The following KCTD9 variants were observed in gnomAD, a reference collection of about 807,000 sequenced individuals.
KCTD9 encodes potassium channel tetramerization domain containing 9, also known as BTB/POZ domain-containing protein KCTD9.
A neutral mutation model predicts 53.3 loss-of-function variants in KCTD9; 17 were observed. The ratio of observed to expected loss-of-function variants is 0.32; its 90% CI spans 0.22 to 0.48. The LOEUF is 0.48. Among genes scored for constraint, KCTD9 ranks in the 20% least tolerant of loss-of-function variants. KCTD9 has a pLI of 0.99. For synonymous variants in KCTD9, 128 were observed against 162.7 expected (o/e 0.79, Z 1.62); for missense variants, 179 against 465.5 (o/e 0.38, Z 5.66).
chr8:25,456,998 A>C (rs916899070), intron 1 of KCTD9, among the ~76,000 whole-genome samples: 2 of 152,234 alleles, frequency 1.3e-5, no homozygotes, highest in South Asian at 4.1e-4. Context: ...TAGTGATGAG[A>C]AATGTAAACT....
At position 25,436,540 on chromosome 8, in the gene KCTD9, C is replaced by A. The variant is rs1041952639; in HGVS notation, c.500-55G>T. ...CCTAATTTAGTGAATGTATTACATT[C>A]ATTTTGAATTTACTAAAATACGATT... On this transcript the variant is annotated intron_variant, in intron 6 of 11. Transcript: ENST00000221200. 9 of 1,058,776 alleles carry A rather than the reference C, an allele frequency of 8.5e-6. No individual in the cohort carries two copies. In the African/African-American group the frequency reaches 1.3e-4, roughly 15 times the overall value. 65.6% of individuals were successfully genotyped at this position (1,058,776 alleles called of 1,614,324 possible). A position where few individuals can be genotyped will look rare whatever the true frequency, so the allele number is the denominator to read the frequency against.
intron 1 of KCTD9, among the ~76,000 whole-genome samples, chr8:25,446,563 C>G (rs1032667977): frequency 6.6e-5 from 10 of 152,222 alleles, no homozygotes; most frequent in Non-Finnish European, 7.3e-5. Flanking sequence ...CATTTTCTAG[C>G]TGTCAACTTG....
intron 1 of KCTD9, among the ~76,000 whole-genome samples, chr8:25,454,012 T>C (rs1802382280): frequency 6.6e-6 from 1 of 152,218 alleles, no homozygotes; most frequent in Admixed American, 6.5e-5. Flanking sequence ...GATTCAAACC[T>C]GGATACTTAC....
In KCTD9 at chr8:25,428,545, T is replaced by C. The variant is rs1237585574; in HGVS notation, c.*1312A>G. On this transcript the variant is annotated 3_prime_UTR_variant, in exon 12 of 12. Coordinates refer to ENST00000221200, the MANE Select transcript of KCTD9 (RefSeq NM_017634.4). ...CCCATTTGGACACAGCTAATATCCC[T>C]GCTCTTGGGGTAGAAAATAAGGACA... The C allele has an allele frequency of 1.3e-5, 2 of 152,504 alleles. No homozygotes were observed. The highest frequency in any genetic ancestry group is 6.5e-5 in the Admixed American group (1 of 15,272). The allele number at this position is 152,504 out of a possible 1,614,324, so 9.4% of individuals were successfully genotyped here.
chr8:25,439,851 TTCCTTTGATTTAAACATTG>T, intron 4 of KCTD9, 187 bp from the exon 5 acceptor site: 1 of 1,220,806 alleles, frequency 8.2e-7, no homozygotes, highest in Non-Finnish European at 1.1e-6. Flanking sequence ...AATAGGGTAC[TTCCTTTGATTTAAACATTG>T]TTTTAGTTTC....
At chr8:25,443,259 T>C (rs1299577385) in intron 3 of KCTD9, among the ~76,000 whole-genome samples, 1 of 152,082 alleles carries the variant, frequency 6.6e-6, no homozygotes, top group African/African-American at 2.4e-5. Context: ...TCAAGGCTTG[T>C]TGGAAAAATG....
rs753172549 is a variant in KCTD9, at chr8:25,446,142, T to C, written c.157A>G (p.Ile53Val). ...YNGKGGLIDDIALIRDDDVLF... is the reference protein window; with the variant it reads ...YNGKGGLIDDVALIRDDDVLF... ...GGTGAAGGTTACCTGATCAAAGCAA[T>C]ATCATCAATCAGTCCACCTTTCCCA... Residue 53 changes from isoleucine to valine, a missense_variant, in exon 2 of 12, where the codon ATT (isoleucine) becomes GTT (valine). Physicochemically the swap from Ile to Val is conservative, Grantham distance 29. This residue lies in a region of KCTD9 where 115 missense variants were observed against 250.9 expected (regional missense o/e 0.46). Transcript: ENST00000221200. The C allele has an allele frequency of 2.5e-6, 4 of 1,613,750 alleles. No individual in the cohort carries two copies. The Admixed American group carries it at 5.0e-5, about 20-fold the overall frequency.
At position 25,440,681 on chromosome 8, in the gene KCTD9, T is replaced by C; in HGVS notation, c.215-8A>G. On this transcript the variant is annotated splice_region_variant and splice_polypyrimidine_tract_variant and intron_variant, in intron 3 of 11. Coordinates refer to ENST00000221200, the MANE Select transcript of KCTD9 (RefSeq NM_017634.4). ...TAGAATCTGTCTGAGGATCTAGAGATGACATGTAGAAAATAATACAAATAT... is the reference window on the plus strand; with the variant it reads ...TAGAATCTGTCTGAGGATCTAGAGACGACATGTAGAAAATAATACAAATAT... 1 of 1,551,288 alleles carries C rather than the reference T, an allele frequency of 6.4e-7. No individual in the cohort carries two copies. The highest frequency in any genetic ancestry group is 8.9e-7 in the Non-Finnish European group (1 of 1,122,814).
intron 3 of KCTD9, among the ~76,000 whole-genome samples, chr8:25,444,063 C>T (rs917870119): frequency 3.9e-5 from 6 of 152,036 alleles, no homozygotes; most frequent in Admixed American, 3.9e-4. Flanking sequence ...ATATGTATAC[C>T]TCCAGAGCAT....
rs543519579 is a variant in KCTD9 at position 25,440,676 on chromosome 8, A to G, written c.215-3T>C. 36 of 1,569,712 alleles carry G rather than the reference A, an allele frequency of 2.3e-5. No individual in the cohort carries two copies. The South Asian group carries it at 3.8e-4, about 16-fold the overall frequency. On this transcript the variant is annotated splice_region_variant and splice_polypyrimidine_tract_variant and intron_variant, in intron 3 of 11. Coordinates refer to ENST00000221200, the MANE Select transcript of KCTD9 (RefSeq NM_017634.4). ...AGGCTTAGAATCTGTCTGAGGATCT[A>G]GAGATGACATGTAGAAAATAATACA...
At chr8:25,440,047 T>C (rs1802089415) in intron 4 of KCTD9, among the ~76,000 whole-genome samples, 1 of 150,552 alleles carries the variant, frequency 6.6e-6, no homozygotes, top group Non-Finnish European at 1.5e-5. Context: ...TTACTCAATA[T>C]CTAAAAAGCA....
At chr8:25,442,609 G>A (rs1038613340) in intron 3 of KCTD9, among the ~76,000 whole-genome samples, 3 of 152,130 alleles carry the variant, frequency 2.0e-5, no homozygotes, top group African/African-American at 7.2e-5. Flanking sequence ...AAATCTACTA[G>A]AGAACAAGTT....
intron 1 of KCTD9, among the ~76,000 whole-genome samples, chr8:25,451,055 T>C (rs1802310340): frequency 6.6e-6 from 1 of 152,220 alleles, no homozygotes; most frequent in South Asian, 2.1e-4. Context: ...AAAATTTCCC[T>C]TAAGTTGGGC....
At chr8:25,431,413 C>A (rs1386926307) in intron 11 of KCTD9, among the ~76,000 whole-genome samples, 1 of 152,034 alleles carries the variant, frequency 6.6e-6, no homozygotes, top group Non-Finnish European at 1.5e-5. Context: ...GTCTTGAGAT[C>A]ACGGAGCAAT....
rs1801881346 is a variant in KCTD9, at chr8:25,428,799, T to C, written c.*1058A>G. The C allele has an allele frequency of 6.6e-6, 1 of 152,204 alleles. No homozygotes were observed. The highest frequency in any genetic ancestry group is 2.4e-5 in the African/African-American group (1 of 41,460). The allele number at this position is 152,204 out of a possible 1,614,324, so 9.4% of individuals were successfully genotyped here. Reference sequence around the variant, plus strand: ...TCAAATGTGTGTTTAAAATTCCTCATTCCCCACTGTAGGGTTCTAGCTGCA... The same window carrying C: ...TCAAATGTGTGTTTAAAATTCCTCACTCCCCACTGTAGGGTTCTAGCTGCA... On this transcript the variant is annotated 3_prime_UTR_variant, in exon 12 of 12. Transcript: ENST00000221200.
intron 3 of KCTD9, 52 bp downstream of exon 3, chr8:25,444,240 C>T: frequency 1.1e-6 from 1 of 949,332 alleles, no homozygotes; most frequent in Non-Finnish European, 1.5e-6. Context: ...ATTGTCATTC[C>T]ATCTTTTTTT....
chr8:25,440,145 G>A (rs1337002027), intron 4 of KCTD9, among the ~76,000 whole-genome samples: 7 of 145,222 alleles, frequency 4.8e-5, no homozygotes, highest in South Asian at 2.2e-4. Context: ...TGCAAGCTCC[G>A]CCTCCCGGGT....
chr8:25,453,473 G>A (rs958915197), intron 1 of KCTD9, among the ~76,000 whole-genome samples: 1 of 151,776 alleles, frequency 6.6e-6, no homozygotes, highest in Non-Finnish European at 1.5e-5. Context: ...GGCCAATATG[G>A]TGAAACCCTG....
At chr8:25,431,244 CA>C (rs886489600) in intron 11 of KCTD9, among the ~76,000 whole-genome samples, 1 of 152,018 alleles carries the variant, frequency 6.6e-6, no homozygotes, top group African/African-American at 2.4e-5. Flanking sequence ...TTTACTTAAT[CA>C]AATTGTGTAA....
Sources: allele counts gnomAD v4.1 joint callset (sites outside exome capture counted in the v4.1 genomes callset), GRCh38; gene constraint gnomAD v4.1.1; regional missense constraint gnomAD v4.1.1; transcripts MANE v1.5; gene names NCBI Gene and HGNC (gene_info 2026-07-23, HGNC 2026-07-21).